TSHZ1: variants seen among roughly 807,000 people sequenced by gnomAD.
TSHZ1 encodes teashirt homolog 1.
TSHZ1 carries 12 observed loss-of-function variants against 67.1 expected under a neutral mutation model. That is an observed-to-expected ratio of 0.18 (90% CI 0.11 to 0.29). TSHZ1 has a LOEUF of 0.29. Among genes scored for constraint, TSHZ1 ranks in the 10% least tolerant of loss-of-function variants. The probability of loss-of-function intolerance (pLI) is 1.00; values close to 1 mark genes in which losing one functional copy is unlikely to be tolerated. For synonymous variants in TSHZ1, 632 were observed against 622.4 expected (o/e 1.02, Z -0.23); for missense variants, 1,305 against 1,413.9 (o/e 0.92, Z 1.23).
chr18:75,222,881 C>G (rs2022866986), intron 1 of TSHZ1, among the ~76,000 whole-genome samples: 2 of 152,186 alleles, frequency 1.3e-5, no homozygotes, highest in South Asian at 4.1e-4. Context: ...AGGCATTAGA[C>G]TACTGAGAGT....
At chr18:75,215,750 G>C (rs1599366939) in intron 1 of TSHZ1, among the ~76,000 whole-genome samples, 1 of 152,332 alleles carries the variant, frequency 6.6e-6, no homozygotes, top group African/African-American at 2.4e-5. Flanking sequence ...AAAACATGTA[G>C]TGTCTGGATA....
intron 1 of TSHZ1, among the ~76,000 whole-genome samples, chr18:75,237,133 T>C (rs1398331064): frequency 1.3e-5 from 2 of 152,182 alleles, no homozygotes; most frequent in Non-Finnish European, 2.9e-5. Flanking sequence ...AGCCAAAGGA[T>C]CCTGAGATCT....
At chr18:75,235,990 A>G (rs552634115) in intron 1 of TSHZ1, among the ~76,000 whole-genome samples, 2 of 152,324 alleles carry the variant, frequency 1.3e-5, no homozygotes, top group East Asian at 1.9e-4. Flanking sequence ...CTCCACACCC[A>G]CATTGAACAA....
At chr18:75,230,528 T>C (rs756590355) in intron 1 of TSHZ1, among the ~76,000 whole-genome samples, 27 of 152,216 alleles carry the variant, frequency 1.8e-4, no homozygotes, top group Non-Finnish European at 3.2e-4. Context: ...AATTTTTTTC[T>C]TGGAGAGTTT....
chr18:75,273,834 C>T (rs921540911), intron 1 of TSHZ1, among the ~76,000 whole-genome samples: 1 of 152,204 alleles, frequency 6.6e-6, no homozygotes, highest in Admixed American at 6.5e-5. Flanking sequence ...GAAGTCTAAC[C>T]ATCAGATCCA....
At chr18:75,228,398 G>A (rs538571482) in intron 1 of TSHZ1, among the ~76,000 whole-genome samples, 20 of 152,298 alleles carry the variant, frequency 1.3e-4, no homozygotes, top group African/African-American at 4.6e-4. Flanking sequence ...CCCTGATAGG[G>A]TTAGAAATGG....
chr18:75,288,792 T>A lies in TSHZ1; in HGVS notation c.*151T>A, dbSNP rs2023822876. 1.5e-6 allele frequency: 2 copies of A among 1,297,890 alleles called. No individual in the cohort carries two copies. The highest frequency in any genetic ancestry group is 3.0e-5 in the African/African-American group (2 of 66,756). The allele number at this position is 1,297,890 out of a possible 1,614,324, so 80.4% of individuals were successfully genotyped here. A position where few individuals can be genotyped will look rare whatever the true frequency, so the allele number is the denominator to read the frequency against. ...CTTACACATATTTTGTATATTTATATGCTCTCTGTCCGATCTGTGCATGTT... is the reference window on the plus strand; with the variant it reads ...CTTACACATATTTTGTATATTTATAAGCTCTCTGTCCGATCTGTGCATGTT... On this transcript the variant is annotated 3_prime_UTR_variant, in exon 2 of 2. Transcript: ENST00000580243. The surrounding 1 kb of genome is among the most constrained non-coding windows in gnomAD (Gnocchi z 4.9).
chr18:75,241,693 A>G (rs2023158782), intron 1 of TSHZ1, among the ~76,000 whole-genome samples: 3 of 152,138 alleles, frequency 2.0e-5, no homozygotes, highest in African/African-American at 7.2e-5. Context: ...ACAAACCAAT[A>G]GTTAAAACAA....
intron 1 of TSHZ1, among the ~76,000 whole-genome samples, chr18:75,221,990 G>A (rs1221994719): frequency 6.6e-6 from 1 of 152,116 alleles, no homozygotes; most frequent in Non-Finnish European, 1.5e-5. Flanking sequence ...ACTCTAGAAA[G>A]TAATGGGAAA....
In TSHZ1 at chr18:75,286,199, C is replaced by T; in HGVS notation, c.792C>T (p.His264=). 2.5e-6 allele frequency: 4 copies of T among 1,614,142 alleles called. No homozygotes were observed. The highest frequency in any genetic ancestry group is 3.4e-6 in the Non-Finnish European group (4 of 1,180,022). The change falls in exon 2 of 2, where the codon CAC becomes CAT. Residue 264 remains histidine (H), a synonymous_variant. Transcript: ENST00000580243. This position sits in a 1 kb window ranked among gnomAD's most constrained non-coding sequence, Gnocchi z 5.1. ...ACACGCTGGTGGAACTGACGGTGCA[C>T]ATGAACGAGACAGGCCACTACCGTG... ...AYDTLVELTV[H]MNETGHYRDD...
At chr18:75,247,762 G>C (rs1470000982) in intron 1 of TSHZ1, among the ~76,000 whole-genome samples, 1 of 152,102 alleles carries the variant, frequency 6.6e-6, no homozygotes, top group Non-Finnish European at 1.5e-5. Context: ...ACCCACAGCA[G>C]AGAAGCACAG....
At chr18:75,283,051 T>A (rs781593486) in intron 1 of TSHZ1, 2 of 152,300 alleles carry the variant, frequency 1.3e-5, no homozygotes, top group Non-Finnish European at 2.9e-5. Context: ...CGTGAGGCCG[T>A]TTCCTATAGT....
At chr18:75,255,144 A>C (rs1169306292) in intron 1 of TSHZ1, among the ~76,000 whole-genome samples, 1 of 152,160 alleles carries the variant, frequency 6.6e-6, no homozygotes, top group Non-Finnish European at 1.5e-5. Flanking sequence ...TGTTCCTCTG[A>C]CATGTATATT....
Position 75,211,061 on chromosome 18 carries a change from GC to G in TSHZ1, c.-814del. The G allele has an allele frequency of 6.6e-6, 1 of 151,968 alleles. No homozygotes were observed. Among genetic ancestry groups the G allele is most frequent in the Non-Finnish European group, 1.5e-5 (1 of 67,976 alleles). 9.4% of individuals were successfully genotyped at this position (151,968 alleles called of 1,614,324 possible). On this transcript the variant is annotated 5_prime_UTR_variant, in exon 1 of 2. The change creates a premature stop within an existing upstream ORF in the 5' untranslated region. Transcript: ENST00000580243. ...TTTTTCTGTTGGAAGATCAAGACCG[GC>G]CAAAAATCCATGATCAAAATGTGTT...
intron 1 of TSHZ1, among the ~76,000 whole-genome samples, chr18:75,232,802 A>G (rs2023017175): frequency 6.6e-6 from 1 of 152,220 alleles, no homozygotes. Flanking sequence ...TATACTGTAT[A>G]TTTTGCAACA....
At chr18:75,263,090 G>A (rs2023449944) in intron 1 of TSHZ1, among the ~76,000 whole-genome samples, 1 of 152,188 alleles carries the variant, frequency 6.6e-6, no homozygotes, top group South Asian at 2.1e-4. Context: ...CAGTCAATGT[G>A]TTGTGCGTCA....
intron 1 of TSHZ1, among the ~76,000 whole-genome samples, chr18:75,261,977 T>C (rs1280086879): frequency 2.0e-5 from 3 of 152,154 alleles, no homozygotes; most frequent in South Asian, 2.1e-4. Context: ...ACCTGTATTC[T>C]CTCCAGGAGA....
intron 1 of TSHZ1, among the ~76,000 whole-genome samples, chr18:75,218,131 A>T (rs1464398448): frequency 6.6e-6 from 1 of 152,252 alleles, no homozygotes; most frequent in Non-Finnish European, 1.5e-5. Flanking sequence ...AAAAGCCAGG[A>T]CAATTTAGGT....
At chr18:75,253,512 G>A (rs543869773) in intron 1 of TSHZ1, among the ~76,000 whole-genome samples, 6 of 152,318 alleles carry the variant, frequency 3.9e-5, no homozygotes, top group South Asian at 4.1e-4. Flanking sequence ...GGGAACTCCC[G>A]CTCTTCAGCG....
Sources: allele counts gnomAD v4.1 joint callset (sites outside exome capture counted in the v4.1 genomes callset), GRCh38; gene constraint gnomAD v4.1.1; non-coding constraint Gnocchi (gnomAD v3.1); transcripts MANE v1.5; gene names NCBI Gene and HGNC (gene_info 2026-07-23, HGNC 2026-07-21).